Variants in LSP1 observed in about 807,000 individuals in gnomAD.
LSP1 encodes the protein lymphocyte specific protein 1, also known as lymphocyte-specific protein 1.
In LSP1, 32 loss-of-function variants were observed where a neutral mutation model predicts 49.3. That is an observed-to-expected ratio of 0.65 (90% CI 0.49 to 0.87). The LOEUF is 0.87. Among genes scored for constraint, LSP1 ranks in the 40% least tolerant of loss-of-function variants. The probability of loss-of-function intolerance (pLI) is 0.00; values close to 1 mark genes in which losing one functional copy is unlikely to be tolerated. For missense variants in LSP1, 428 were observed against 442.6 expected, an observed-to-expected ratio of 0.97 and a Z score of 0.30; for synonymous variants, 179 against 178.8, an observed-to-expected ratio of 1.00 and a Z score of -0.01.
intron 1 of LSP1, among the ~76,000 whole-genome samples, chr11:1,875,617 G>A (rs1042357458): frequency 8.5e-5 from 13 of 152,230 alleles, no homozygotes; most frequent in Non-Finnish European, 1.5e-4. Context: ...TCACTGCGGC[G>A]TCTCCCTTGC....
chr11:1,864,880 C>G (rs928065138), intron 1 of LSP1, among the ~76,000 whole-genome samples: 1 of 151,914 alleles, frequency 6.6e-6, no homozygotes, highest in Non-Finnish European at 1.5e-5. Flanking sequence ...AGCCGGCCCA[C>G]AGACTCCTGT....
At chr11:1,890,208 G>A (rs549596227) in intron 10 of LSP1, 1 of 716,962 alleles carries the variant, frequency 1.4e-6, no homozygotes, top group East Asian at 2.7e-5. Flanking sequence ...CTTCTGCAGG[G>A]GTGATGCCAC....
At chr11:1,880,039 G>A (rs1848471211) in intron 1 of LSP1, 48 bp from the exon 2 acceptor site, 1 of 1,598,352 alleles carries the variant, frequency 6.3e-7, no homozygotes, top group Non-Finnish European at 8.5e-7. Context: ...GTGCAAAACA[G>A]CACCTGTGTC....
At chr11:1,875,199 C>T (rs998737731) in intron 1 of LSP1, among the ~76,000 whole-genome samples, 3 of 152,192 alleles carry the variant, frequency 2.0e-5, no homozygotes, top group Admixed American at 2.0e-4. Flanking sequence ...CGCCCTCCCC[C>T]CCATCAACCC....
At position 1,884,202 on chromosome 11, in the gene LSP1, G is replaced by C; in HGVS notation, c.592-78G>C. The C allele has an allele frequency of 2.6e-6, 4 of 1,553,080 alleles. No homozygotes were observed. The highest frequency in any genetic ancestry group is 1.8e-6 in the Non-Finnish European group (2 of 1,124,648). ...TATAAGGGTTGGGGGTTGGATTAGT[G>C]GTTGGAGTAGCTGGGGAGATGGAGG... On this transcript the variant is annotated intron_variant, in intron 5 of 10. Coordinates refer to ENST00000311604, the MANE Select transcript of LSP1 (RefSeq NM_002339.3). The surrounding 1 kb of genome is among the most constrained non-coding windows in gnomAD (Gnocchi z 4.1).
At chr11:1,857,844 C>G (rs1002426554) in intron 1 of LSP1, among the ~76,000 whole-genome samples, 4 of 152,182 alleles carry the variant, frequency 2.6e-5, no homozygotes, top group African/African-American at 9.7e-5. Flanking sequence ...AACCTCCGCC[C>G]TCCAGGTTCA....
chr11:1,889,692 G>C, intron 10 of LSP1: 1 of 637,740 alleles, frequency 1.6e-6, no homozygotes, highest in Non-Finnish European at 2.9e-6. Context: ...GCCAGCCATC[G>C]GGGGCTCCTC....
At chr11:1,872,519 A>T (rs994522591) in intron 1 of LSP1, among the ~76,000 whole-genome samples, 1 of 131,180 alleles carries the variant, frequency 7.6e-6, no homozygotes, top group Non-Finnish European at 1.6e-5. Flanking sequence ...CCTGGGCTGT[A>T]GTCACCCTGG....
intron 3 of LSP1, among the ~76,000 whole-genome samples, chr11:1,882,913 G>A (rs1848604704): frequency 6.6e-6 from 1 of 152,168 alleles, no homozygotes; most frequent in African/African-American, 2.4e-5. Flanking sequence ...CCCCGCAGCC[G>A]GCAGCCCCTT....
At chr11:1,864,030 G>A (rs1488286939) in intron 1 of LSP1, 2 of 239,566 alleles carry the variant, frequency 8.3e-6, no homozygotes, top group African/African-American at 2.4e-5. Flanking sequence ...AAGGGAAAGT[G>A]GAGAACCAGG....
rs767014224 is a variant in LSP1 at position 1,883,963 on chromosome 11, G to A, written c.530G>A (p.Ser177Asn). 1 of 1,611,324 alleles carries A rather than the reference G, an allele frequency of 6.2e-7. No homozygotes were observed. The highest frequency in any genetic ancestry group is 1.1e-5 in the South Asian group (1 of 90,758). ...HQKCQQPRTPSPLVLEGTIEQ... is the reference protein window; with the variant it reads ...HQKCQQPRTPNPLVLEGTIEQ... The stretch of plus-strand genomic sequence containing the variant: ...AAATGTCAGCAGCCCAGGACACCCA[G>A]CCCCTTGGTCTTGGAGGGGACCATC... The change falls in exon 5 of 11, where the codon AGC becomes AAC. Residue 177 changes from serine to asparagine, a missense_variant. Ser to Asn is a conservative substitution (Grantham distance 46, BLOSUM62 1). Transcript: ENST00000311604.
chr11:1,882,667 C>T (rs1848593717), intron 3 of LSP1, among the ~76,000 whole-genome samples: 2 of 152,184 alleles, frequency 1.3e-5, no homozygotes, highest in African/African-American at 4.8e-5. Flanking sequence ...GCGGCCGCCA[C>T]CCCACCCCCT....
intron 1 of LSP1, among the ~76,000 whole-genome samples, chr11:1,875,282 G>A (rs1396507797): frequency 7.9e-5 from 12 of 152,292 alleles, no homozygotes; most frequent in Admixed American, 1.3e-4. Context: ...TCCAGGCGCT[G>A]CCTCCTCCAG....
rs537266593 is a variant in LSP1, at chr11:1,854,004, C to T, written c.53+807C>T. Among the ~76,000 whole-genome samples, 4 of 152,310 alleles carry T rather than the reference C, an allele frequency of 2.6e-5. No homozygotes were observed. In the East Asian group the frequency reaches 7.7e-4, roughly 29 times the overall value. On this transcript the variant is annotated intron_variant, in intron 1 of 10. Transcript: ENST00000311604. ...CAGAGGGGAGCTGCCGGCCAGCAGGCATCCAGGCATCACAGCTGAGCCTCG... is the reference window on the plus strand; with the variant it reads ...CAGAGGGGAGCTGCCGGCCAGCAGGTATCCAGGCATCACAGCTGAGCCTCG...
At chr11:1,870,686 A>G (rs1190517584) in intron 1 of LSP1, 3 of 1,038,974 alleles carry the variant, frequency 2.9e-6, no homozygotes, top group African/African-American at 1.7e-5. Context: ...TGAATAATGT[A>G]TGAAGCCTCT....
intron 10 of LSP1, chr11:1,890,624 C>A (rs1848961606): frequency 2.9e-6 from 2 of 683,144 alleles, no homozygotes; most frequent in African/African-American, 1.8e-5. Context: ...GTCAGGCCAG[C>A]CCTCCTCCCT....
chr11:1,876,185 G>A (rs374607882), intron 1 of LSP1, among the ~76,000 whole-genome samples: 1 of 152,206 alleles, frequency 6.6e-6, no homozygotes, highest in Non-Finnish European at 1.5e-5. Flanking sequence ...CCTCAGCCAC[G>A]GAGGGCCCCT....
rs976435818 is a variant in LSP1, at chr11:1,884,798, A to G, written c.717+217A>G. Among the ~76,000 whole-genome samples the G allele has an allele frequency of 1.1e-4, 16 of 151,518 alleles. No homozygotes were observed. Among genetic ancestry groups the G allele is most frequent in the Middle Eastern group, 3.4e-3 (1 of 294 alleles). ...TAATCAATGCCCCCCCTTTCAATCA[A>G]TGCTACTCCATCCAACCAATAATCT... On this transcript the variant is annotated intron_variant, in intron 7 of 10. Coordinates refer to ENST00000311604, the MANE Select transcript of LSP1 (RefSeq NM_002339.3). This position sits in a 1 kb window ranked among gnomAD's most constrained non-coding sequence, Gnocchi z 4.1.
chr11:1,884,417 G>T lies in LSP1; in HGVS notation c.636-83G>T. ...GTCACAAGGTAGAGATCTGGAGACCGAGGGGGGCTCTGGGAGAGGCTTGGG... is the reference window on the plus strand; with the variant it reads ...GTCACAAGGTAGAGATCTGGAGACCTAGGGGGGCTCTGGGAGAGGCTTGGG... On this transcript the variant is annotated intron_variant, in intron 6 of 10. Transcript: ENST00000311604. The surrounding 1 kb of genome is among the most constrained non-coding windows in gnomAD (Gnocchi z 4.1). 1 of 1,606,232 alleles carries T rather than the reference G, an allele frequency of 6.2e-7. No individual in the cohort carries two copies. The highest frequency in any genetic ancestry group is 8.5e-7 in the Non-Finnish European group (1 of 1,173,004).
Sources: gnomAD v4.1 joint callset for allele counts (sites outside exome capture counted in the v4.1 genomes callset) on GRCh38, gnomAD v4.1.1 for gene constraint, Gnocchi (gnomAD v3.1) non-coding constraint, MANE v1.5 for transcripts, NCBI Gene and HGNC (gene_info 2026-07-23, HGNC 2026-07-21) for gene names.